The following ROBO1 variants were observed in gnomAD, a reference collection of about 807,000 sequenced individuals.
The protein encoded by ROBO1 is roundabout homolog 1.
A neutral mutation model predicts 195.9 loss-of-function variants in ROBO1; 149 were observed. The ratio of observed to expected loss-of-function variants is 0.76; its 90% CI spans 0.67 to 0.87. The LOEUF (loss-of-function observed/expected upper bound fraction) is 0.87, where lower values mean the gene tolerates loss of function less well. Ranked by LOEUF, ROBO1 falls within the 40% of genes least tolerant of loss-of-function variation. ROBO1 has a pLI of 0.00. For synonymous variants in ROBO1, 816 were observed against 733.2 expected (o/e 1.11, Z -1.82); for missense variants, 1,933 against 2,068.3 (o/e 0.93, Z 1.27).
chr3:78,674,178 G>A (rs920120971), intron 10 of ROBO1, among the ~76,000 whole-genome samples: 4 of 152,148 alleles, frequency 2.6e-5, no homozygotes, highest in Non-Finnish European at 5.9e-5. Flanking sequence ...AAGATGTTCA[G>A]TTAAATAGAA....
chr3:78,776,729 A>G (rs928578891), intron 4 of ROBO1, among the ~76,000 whole-genome samples: 1 of 152,228 alleles, frequency 6.6e-6, no homozygotes, highest in African/African-American at 2.4e-5. Flanking sequence ...GTTTAACAGT[A>G]GAGACACTAT....
chr3:79,307,379 GA>G (rs2033272579), intron 2 of ROBO1, among the ~76,000 whole-genome samples: 1 of 152,046 alleles, frequency 6.6e-6, no homozygotes, highest in African/African-American at 2.4e-5. Context: ...CACATCTGGT[GA>G]AATTCAAGCT....
At chr3:79,078,074 A>G (rs1188514488) in intron 3 of ROBO1, among the ~76,000 whole-genome samples, 1 of 151,818 alleles carries the variant, frequency 6.6e-6, no homozygotes, top group Non-Finnish European at 1.5e-5. Flanking sequence ...ATTCTAATAT[A>G]TATGTGACTG....
intron 4 of ROBO1, among the ~76,000 whole-genome samples, chr3:78,767,501 A>T (rs1318023288): frequency 6.6e-6 from 1 of 150,814 alleles, no homozygotes; most frequent in East Asian, 1.9e-4. Context: ...CCTGGCCTCA[A>T]GCGACTCACC....
At chr3:79,368,056 C>T (rs1395700362) in intron 2 of ROBO1, among the ~76,000 whole-genome samples, 2 of 152,150 alleles carry the variant, frequency 1.3e-5, no homozygotes, top group African/African-American at 2.4e-5. Context: ...AGTCTGGTGC[C>T]TCAGCCTCCC....
intron 2 of ROBO1, among the ~76,000 whole-genome samples, chr3:79,391,484 AAAGT>A (rs775530647): frequency 1.8e-4 from 27 of 152,116 alleles, no homozygotes; most frequent in Non-Finnish European, 3.5e-4. Flanking sequence ...ATTCAATTAT[AAAGT>A]AAGAAATAGT....
At chr3:79,750,079 C>T (rs1189289260) in intron 1 of ROBO1, among the ~76,000 whole-genome samples, 1 of 152,214 alleles carries the variant, frequency 6.6e-6, no homozygotes, top group Non-Finnish European at 1.5e-5. Context: ...GGTGGAGCTG[C>T]CCAAGACCAT....
At chr3:79,733,043 T>C (rs1367208899) in intron 1 of ROBO1, among the ~76,000 whole-genome samples, 1 of 152,224 alleles carries the variant, frequency 6.6e-6, no homozygotes, top group Non-Finnish European at 1.5e-5. Flanking sequence ...AAAGATTTCC[T>C]ATTCTATGAA....
At chr3:78,710,728 A>C (rs1344725206) in intron 8 of ROBO1, among the ~76,000 whole-genome samples, 1 of 152,170 alleles carries the variant, frequency 6.6e-6, no homozygotes. Flanking sequence ...TCCAATGTCC[A>C]TTCTCTTAGC....
intron 2 of ROBO1, among the ~76,000 whole-genome samples, chr3:79,273,120 C>T (rs2030717700): frequency 6.6e-6 from 1 of 152,016 alleles, no homozygotes; most frequent in South Asian, 2.1e-4. Flanking sequence ...GGAAGCTCTT[C>T]AATCTAAAAG....
At chr3:79,545,508 T>C (rs1373417546) in intron 2 of ROBO1, among the ~76,000 whole-genome samples, 1 of 152,220 alleles carries the variant, frequency 6.6e-6, no homozygotes, top group Admixed American at 6.5e-5. Context: ...TTCTATGATA[T>C]CTTCCTGCAC....
At chr3:79,632,210 G>A (rs1050127210) in intron 1 of ROBO1, among the ~76,000 whole-genome samples, 16 of 152,078 alleles carry the variant, frequency 1.1e-4, no homozygotes, top group African/African-American at 3.9e-4. Context: ...ATTTACAATA[G>A]CAAAGTCATA....
chr3:78,811,705 T>G (rs1017581000), intron 4 of ROBO1, among the ~76,000 whole-genome samples: 1 of 152,154 alleles, frequency 6.6e-6, no homozygotes, highest in African/African-American at 2.4e-5. Flanking sequence ...GCTATTCCTC[T>G]AGCCACTAAT....
chr3:78,804,255 C>G (rs333482), intron 4 of ROBO1, among the ~76,000 whole-genome samples: 1 of 152,148 alleles, frequency 6.6e-6, no homozygotes, highest in African/African-American at 2.4e-5. Flanking sequence ...CTATTAACTC[C>G]GTTCCAAATT....
chr3:79,599,109 T>A (rs912460332), intron 1 of ROBO1, among the ~76,000 whole-genome samples: 2 of 152,050 alleles, frequency 1.3e-5, no homozygotes, highest in Admixed American at 1.3e-4. Context: ...AGGACAGTCA[T>A]CACAAAGAAA....
intron 1 of ROBO1, among the ~76,000 whole-genome samples, chr3:79,622,306 T>A (rs1470319390): frequency 4.6e-5 from 7 of 152,174 alleles, no homozygotes; most frequent in Admixed American, 2.6e-4. Context: ...TGCTTAAGCC[T>A]CCTGAACTCT....
chr3:78,814,283 A>T (rs2084833713), intron 4 of ROBO1, among the ~76,000 whole-genome samples: 1 of 152,104 alleles, frequency 6.6e-6, no homozygotes, highest in African/African-American at 2.4e-5. Context: ...AATCACATAA[A>T]ACTAAAAAGT....
chr3:78,670,204 G>C lies in ROBO1; in HGVS notation c.1440C>G (p.Gly480=), dbSNP rs1249250725. The C allele has an allele frequency of 6.2e-7, 1 of 1,610,772 alleles. No homozygotes were observed. The highest frequency in any genetic ancestry group is 8.5e-7 in the Non-Finnish European group (1 of 1,178,496). Residue 480 remains glycine (G), a synonymous_variant, in exon 11 of 31, where the codon GGC becomes GGG. Transcript: ENST00000464233. ...GTFVLSCVAT[G]SPVPTILWRK... is the part of the protein sequence containing the mutation. ...TCCACAGAATGGTGGGCACTGGACTGCCTGTGGCCACACAGCTGAGGACGA... is the reference window on the plus strand; with the variant it reads ...TCCACAGAATGGTGGGCACTGGACTCCCTGTGGCCACACAGCTGAGGACGA...
intron 26 of ROBO1, among the ~76,000 whole-genome samples, chr3:78,620,368 C>T (rs913351009): frequency 3.2e-4 from 49 of 152,026 alleles, no homozygotes; most frequent in South Asian, 2.1e-4. Context: ...AAAAATTAGC[C>T]GGGTGTGGTG....
Sources: gnomAD v4.1 joint callset for allele counts (sites outside exome capture counted in the v4.1 genomes callset) on GRCh38, gnomAD v4.1.1 for gene constraint, MANE v1.5 for transcripts, NCBI Gene and HGNC (gene_info 2026-07-23, HGNC 2026-07-21) for gene names.